The following LRP1B variants were observed in gnomAD, a reference collection of about 807,000 sequenced individuals.
LRP1B encodes the protein low-density lipoprotein receptor-related protein 1B.
A neutral mutation model predicts 556.6 loss-of-function variants in LRP1B; 217 were observed. The observed-to-expected ratio is 0.39, with a 90% CI of 0.35 to 0.44. The LOEUF (loss-of-function observed/expected upper bound fraction) is 0.44, where lower values mean the gene tolerates loss of function less well. Ranked by LOEUF, LRP1B falls within the 20% of genes least tolerant of loss-of-function variation. The pLI, the probability that LRP1B is intolerant of heterozygous loss-of-function variation, is 1.00. For synonymous variants in LRP1B, 2,047 were observed against 1,865.8 expected (o/e 1.10, Z -2.50); for missense variants, 5,053 against 5,620.8 (o/e 0.90, Z 3.23).
intron 24 of LRP1B, among the ~76,000 whole-genome samples, chr2:140,885,172 C>A (rs1693597201): frequency 6.6e-6 from 1 of 152,068 alleles, no homozygotes; most frequent in Admixed American, 6.6e-5. Context: ...CATTTTAAAT[C>A]AGTATATGAC....
intron 14 of LRP1B, 107 bp from the exon 15 acceptor site, chr2:141,005,564 A>T (rs2105374472): frequency 1.2e-6 from 1 of 830,200 alleles, no homozygotes; most frequent in East Asian, 3.1e-5. Context: ...TGTATATTAT[A>T]TATTTAGTAA....
intron 3 of LRP1B, among the ~76,000 whole-genome samples, chr2:141,342,371 C>A (rs1408679697): frequency 7.2e-5 from 11 of 151,946 alleles, no homozygotes; most frequent in Admixed American, 6.6e-4. Flanking sequence ...TAACTACTCA[C>A]AACTTTGGTT....
At chr2:141,254,837 A>G (rs184623410) in intron 3 of LRP1B, among the ~76,000 whole-genome samples, 196 bp from the exon 4 acceptor site, 9 of 152,182 alleles carry the variant, frequency 5.9e-5, no homozygotes, top group Admixed American at 3.9e-4. Flanking sequence ...ATTCGAGATC[A>G]ATCTGTTTGG....
intron 2 of LRP1B, among the ~76,000 whole-genome samples, chr2:141,805,993 G>T (rs991619134): frequency 3.3e-5 from 5 of 152,004 alleles, no homozygotes; most frequent in African/African-American, 1.2e-4. Flanking sequence ...TCTGTGAAGG[G>T]GAATGGGCAG....
intron 1 of LRP1B, among the ~76,000 whole-genome samples, chr2:142,002,511 C>T (rs1355910142): frequency 1.3e-5 from 2 of 150,796 alleles, no homozygotes; most frequent in African/African-American, 2.4e-5. Context: ...TGGTGTGATA[C>T]CATCAATTTA....
At chr2:140,809,725 G>A (rs1007121027) in intron 32 of LRP1B, among the ~76,000 whole-genome samples, 6 of 152,142 alleles carry the variant, frequency 3.9e-5, no homozygotes, top group Non-Finnish European at 7.3e-5. Flanking sequence ...TAGAATCTGG[G>A]AGCAGCCATG....
At chr2:140,840,820 A>G (rs1573789899) in intron 30 of LRP1B, 98 bp downstream of exon 30, 1 of 815,370 alleles carries the variant, frequency 1.2e-6, no homozygotes, top group Non-Finnish European at 1.8e-6. Context: ...TATGGCTGTT[A>G]TATATATATC....
intron 1 of LRP1B, among the ~76,000 whole-genome samples, chr2:142,123,325 T>A (rs1443442154): frequency 6.6e-6 from 1 of 152,024 alleles, no homozygotes; most frequent in Non-Finnish European, 1.5e-5. Context: ...AATTATATAT[T>A]CGTATTTCTA....
At chr2:141,999,762 A>C (rs1702602163) in intron 1 of LRP1B, among the ~76,000 whole-genome samples, 1 of 151,954 alleles carries the variant, frequency 6.6e-6, no homozygotes, top group Non-Finnish European at 1.5e-5. Flanking sequence ...TAGAAATCAT[A>C]TGAAAACCAA....
chr2:142,034,818 C>A (rs1215751053), intron 1 of LRP1B, among the ~76,000 whole-genome samples: 2 of 151,642 alleles, frequency 1.3e-5, no homozygotes, highest in African/African-American at 4.8e-5. Flanking sequence ...CTCATAGTAA[C>A]CATAAACCTA....
intron 18 of LRP1B, among the ~76,000 whole-genome samples, chr2:140,956,235 A>G (rs1326148775): frequency 5.9e-5 from 9 of 151,798 alleles, no homozygotes; most frequent in Admixed American, 3.3e-4. Flanking sequence ...AGAAGAAAAC[A>G]GTATATCCTG....
At chr2:141,749,074 AATAACTAATTTTATTTTAC>A (rs1350366756) in intron 2 of LRP1B, among the ~76,000 whole-genome samples, 4 of 152,198 alleles carry the variant, frequency 2.6e-5, no homozygotes, top group African/African-American at 9.7e-5. Flanking sequence ...GAATTTAGAA[AATAACTAATTTTATTTTAC>A]ATGAAACAAA....
chr2:141,488,953 T>C (rs1390891058), intron 2 of LRP1B, among the ~76,000 whole-genome samples: 1 of 103,552 alleles, frequency 9.7e-6, no homozygotes, highest in African/African-American at 2.7e-5. Flanking sequence ...GTGTGTTCTT[T>C]TACATGGGTT....
chr2:141,944,299 CGT>C (rs1474409678), intron 1 of LRP1B, among the ~76,000 whole-genome samples: 1 of 152,118 alleles, frequency 6.6e-6, no homozygotes, highest in Non-Finnish European at 1.5e-5. Flanking sequence ...GGAAACGCTC[CGT>C]GTTGGAATGC....
intron 3 of LRP1B, among the ~76,000 whole-genome samples, chr2:141,418,816 C>T (rs979369675): frequency 6.6e-6 from 1 of 151,892 alleles, no homozygotes; most frequent in Non-Finnish European, 1.5e-5. Flanking sequence ...ATCTGTAGAT[C>T]ACTTTGAATA....
chr2:140,771,680 G>A (rs957120271), intron 33 of LRP1B, among the ~76,000 whole-genome samples: 1 of 152,126 alleles, frequency 6.6e-6, no homozygotes, highest in Admixed American at 6.6e-5. Context: ...ATGTTCCATT[G>A]AATTTACTAG....
chr2:141,113,822 CATACTT>C (rs1315983332), intron 7 of LRP1B, among the ~76,000 whole-genome samples: 1 of 152,158 alleles, frequency 6.6e-6, no homozygotes, highest in Non-Finnish European at 1.5e-5. Context: ...TCTTTCCTCA[CATACTT>C]ATACTACTTA....
intron 2 of LRP1B, among the ~76,000 whole-genome samples, chr2:141,660,482 C>A (rs1000457008): frequency 2.0e-5 from 3 of 152,070 alleles, no homozygotes; most frequent in Admixed American, 6.5e-5. Flanking sequence ...GCAGTTCCCC[C>A]CCGCTGGTGC....
intron 2 of LRP1B, among the ~76,000 whole-genome samples, chr2:141,786,985 C>T (rs1322678398): frequency 6.6e-6 from 1 of 151,808 alleles, no homozygotes; most frequent in Non-Finnish European, 1.5e-5. Flanking sequence ...TTTCCAGTAT[C>T]AACATCACTT....
Sources: allele counts gnomAD v4.1 joint callset (sites outside exome capture counted in the v4.1 genomes callset), GRCh38; gene constraint gnomAD v4.1.1; transcripts MANE v1.5; gene names NCBI Gene and HGNC (gene_info 2026-07-23, HGNC 2026-07-21).